The following ESR1 variants were observed in gnomAD, a reference collection of about 807,000 sequenced individuals.
ESR1 encodes estrogen receptor 1.
ESR1 carries 12 observed loss-of-function variants against 52.7 expected under a neutral mutation model. The observed-to-expected ratio is 0.23, with a 90% CI of 0.15 to 0.37. The LOEUF (loss-of-function observed/expected upper bound fraction) is 0.37, where lower values mean the gene tolerates loss of function less well. Among genes scored for constraint, ESR1 ranks in the 10% least tolerant of loss-of-function variants. The pLI, the probability that ESR1 is intolerant of heterozygous loss-of-function variation, is 1.00. For missense variants in ESR1, 584 were observed against 779.7 expected, an observed-to-expected ratio of 0.75 and a Z score of 2.99; for synonymous variants, 305 against 316.8, an observed-to-expected ratio of 0.96 and a Z score of 0.39.
At position 152,102,702 on chromosome 6, in the gene ESR1, A is replaced by G. The variant is rs1282751145; in HGVS notation, c.*3736A>G. ...AGTCATTTAAAATTGTTTTCTAAGT[A>G]ATTGCTGCCTCTATTATGGCACTTC... On this transcript the variant is annotated 3_prime_UTR_variant, in exon 8 of 8. Coordinates refer to ENST00000206249, the MANE Select transcript of ESR1 (RefSeq NM_000125.4). The G allele has an allele frequency of 4.6e-6, 1 of 219,596 alleles. No individual in the cohort carries two copies. The highest frequency in any genetic ancestry group is 9.1e-6 in the Non-Finnish European group (1 of 109,298). 13.6% of individuals were successfully genotyped at this position (219,596 alleles called of 1,614,324 possible).
At chr6:151,703,481 A>G (rs1465299143) in intron 2 of ESR1, among the ~76,000 whole-genome samples, 5 of 152,110 alleles carry the variant, frequency 3.3e-5, no homozygotes, top group Non-Finnish European at 1.5e-5. Flanking sequence ...CTCTGCTCAG[A>G]GTCTGAGCAG....
chr6:151,927,884 AT>A (rs34405733), intron 3 of ESR1, among the ~76,000 whole-genome samples: 78,144 of 149,600 alleles, frequency 0.52, 22,529 homozygotes, highest in Middle Eastern at 0.73. Context: ...CACTTGGCTA[AT>A]TTTTTTTTTT....
At chr6:152,128,355 C>T (rs1308170071) in exon 7 of ESR1, 1 of 152,186 alleles carries the variant, frequency 6.6e-6, no homozygotes, top group Non-Finnish European at 1.5e-5. Context: ...TTTAGGGAAT[C>T]TCTAGATTCT....
rs192854847 is a variant in ESR1 at position 152,007,357 on chromosome 6, C to T, written c.1097-4299C>T. Among the ~76,000 whole-genome samples the T allele has an allele frequency of 8.2e-4, 125 of 151,994 alleles. 1 individual carries two copies. Among genetic ancestry groups the T allele is most frequent in the Admixed American group, 8.1e-3 (123 of 15,252 alleles). On this transcript the variant is annotated intron_variant, in intron 4 of 7. Transcript: ENST00000206249. ...AAAACCGTTACTGTATAATGGAAGG[C>T]AGAAGGCAGGGATGTCTGTGCTTGG...
At chr6:151,936,288 T>C (rs1301448585) in intron 3 of ESR1, 3 of 152,158 alleles carry the variant, frequency 2.0e-5, no homozygotes, top group African/African-American at 7.2e-5. Context: ...GGAGAGCAAC[T>C]TTGAGGAAAT....
chr6:152,088,946 T>C (rs1043282232), intron 6 of ESR1, among the ~76,000 whole-genome samples: 1 of 152,230 alleles, frequency 6.6e-6, no homozygotes, highest in Non-Finnish European at 1.5e-5. Flanking sequence ...CCCTTTGTTA[T>C]AAGATGAAAA....
chr6:152,036,606 A>G (rs980791030), intron 5 of ESR1, among the ~76,000 whole-genome samples: 5 of 152,186 alleles, frequency 3.3e-5, no homozygotes, highest in African/African-American at 7.2e-5. Flanking sequence ...GTTTTCTGAA[A>G]TGTGGACTGA....
chr6:151,850,400 A>C (rs988975929), intron 2 of ESR1, among the ~76,000 whole-genome samples: 1 of 149,412 alleles, frequency 6.7e-6, no homozygotes, highest in Non-Finnish European at 1.5e-5. Flanking sequence ...AGAGAGAGAG[A>C]AGAGAGAGAG....
At chr6:151,887,809 T>C (rs936457416) in intron 3 of ESR1, among the ~76,000 whole-genome samples, 4 of 152,174 alleles carry the variant, frequency 2.6e-5, no homozygotes, top group African/African-American at 9.7e-5. Flanking sequence ...CTAGTAGTTT[T>C]TACAGTTTCA....
chr6:152,103,723 G>A (rs1293112085), downstream of ESR1, among the ~76,000 whole-genome samples: 1 of 152,270 alleles, frequency 6.6e-6, no homozygotes, highest in East Asian at 1.9e-4. Flanking sequence ...GGAAGAATGA[G>A]TGATCTGAAA....
At chr6:151,829,498 G>A (rs777937834) in intron 1 of ESR1, among the ~76,000 whole-genome samples, 3 of 152,056 alleles carry the variant, frequency 2.0e-5, no homozygotes, top group Non-Finnish European at 4.4e-5. Flanking sequence ...CTGATGAAAC[G>A]GCCATTTGTC....
intron 2 of ESR1, among the ~76,000 whole-genome samples, chr6:151,726,137 C>T (rs1017997412): frequency 6.6e-6 from 1 of 152,036 alleles, no homozygotes; most frequent in African/African-American, 2.4e-5. Context: ...TGTAAGAAGC[C>T]GAAACCAATT....
chr6:151,990,509 G>A (rs1438934423), intron 4 of ESR1, among the ~76,000 whole-genome samples: 1 of 152,058 alleles, frequency 6.6e-6, no homozygotes, highest in Admixed American at 6.6e-5. Context: ...TTTAGGATGA[G>A]GAAAGTGAAG....
At chr6:151,726,024 G>A (rs1781810899) in intron 2 of ESR1, among the ~76,000 whole-genome samples, 4 of 152,106 alleles carry the variant, frequency 2.6e-5, no homozygotes, top group Admixed American at 2.6e-4. Context: ...ATAAAGAGGT[G>A]GAAAACCACA....
chr6:151,968,790 C>T (rs2038583524), intron 4 of ESR1, among the ~76,000 whole-genome samples: 1 of 152,136 alleles, frequency 6.6e-6, no homozygotes, highest in Non-Finnish European at 1.5e-5. Flanking sequence ...CGCAGGCACA[C>T]CTTCAGGCTG....
upstream of ESR1, among the ~76,000 whole-genome samples, chr6:151,685,853 ATTTATGAAAGCAGAT>A (rs960231491): frequency 1.3e-5 from 2 of 152,192 alleles, no homozygotes; most frequent in African/African-American, 2.4e-5. Context: ...GAGGCACATA[ATTTATGAAAGCAGAT>A]TTTAAAAGCC....
chr6:152,032,654 T>C (rs1392745456), intron 5 of ESR1, among the ~76,000 whole-genome samples: 3 of 152,110 alleles, frequency 2.0e-5, no homozygotes, highest in Admixed American at 2.0e-4. Flanking sequence ...TACAAACAAA[T>C]GCAAGAACAT....
intron 1 of ESR1, among the ~76,000 whole-genome samples, chr6:151,679,284 G>A (rs1379336388): frequency 1.3e-5 from 2 of 152,152 alleles, no homozygotes; most frequent in African/African-American, 2.4e-5. Flanking sequence ...GATGCCACGT[G>A]TCCCACATGT....
chr6:152,032,213 C>T (rs1439565404), intron 5 of ESR1, among the ~76,000 whole-genome samples: 2 of 152,200 alleles, frequency 1.3e-5, no homozygotes, highest in African/African-American at 4.8e-5. Flanking sequence ...TGGGAGCATT[C>T]CCTTTGAAAA....
Sources: allele counts gnomAD v4.1 joint callset (sites outside exome capture counted in the v4.1 genomes callset), GRCh38; gene constraint gnomAD v4.1.1; transcripts MANE v1.5; gene names NCBI Gene and HGNC (gene_info 2026-07-23, HGNC 2026-07-21).